Variants in UCK1 observed in about 807,000 individuals in gnomAD.
UCK1 encodes uridine-cytidine kinase 1, also known as cytidine monophosphokinase 1.
UCK1 carries 20 observed loss-of-function variants against 34.0 expected under a neutral mutation model. The observed-to-expected ratio is 0.59, with a 90% CI of 0.41 to 0.86. The LOEUF is 0.86. Among genes scored for constraint, UCK1 ranks in the 40% least tolerant of loss-of-function variants. UCK1 has a pLI of 0.00. For synonymous variants in UCK1, 168 were observed against 155.9 expected (o/e 1.08, Z -0.58); for missense variants, 343 against 383.6 (o/e 0.89, Z 0.88).
Position 131,526,053 on chromosome 9 carries a change from G to A in UCK1, c.604-76C>T. 5 of 1,571,836 alleles carry A rather than the reference G, an allele frequency of 3.2e-6. No homozygotes were observed. The Admixed American group carries it at 5.0e-5, about 16-fold the overall frequency. On this transcript the variant is annotated intron_variant, in intron 5 of 6. Transcript: ENST00000372215. ...GATTTTAAGATGCTCAGAAACAGAT[G>A]CAACAGCAGGAGGGGCGGCCCTGGG...
intron 5 of UCK1, chr9:131,526,314 G>C (rs764959866): frequency 7.9e-5 from 73 of 924,136 alleles, no homozygotes; most frequent in Middle Eastern, 7.2e-4. Flanking sequence ...GCCAAGCTAA[G>C]TGTGGCACTT....
At chr9:131,528,837 T>G in intron 5 of UCK1, 107 bp downstream of exon 5, 2 of 1,387,872 alleles carry the variant, frequency 1.4e-6, no homozygotes, top group Non-Finnish European at 2.0e-6. Context: ...CTTCTCCTTT[T>G]TTTCAATCAG....
In UCK1 at chr9:131,529,527, G is replaced by A. The variant is rs746768146; in HGVS notation, c.326C>T (p.Thr109Met). The A allele has an allele frequency of 9.3e-6, 15 of 1,613,956 alleles. No individual in the cohort carries two copies. Among genetic ancestry groups the A allele is most frequent in the East Asian group, 6.7e-5 (3 of 44,882 alleles). Residue 109 changes from threonine to methionine, a missense_variant, in exon 3 of 7, where the codon ACG becomes ATG. By Grantham distance (81) the Thr-to-Met change is moderately conservative. Coordinates refer to ENST00000372215, the MANE Select transcript of UCK1 (RefSeq NM_031432.5). ...RTLKNIVEGK[T>M]VEVPTYDFVT... ...AAAATCATAGGTCGGCACCTCCACC[G>A]TTTTGCCCTCCACGATGTTCTTCAG...
chr9:131,529,123 C>T lies in UCK1; in HGVS notation c.508+5G>A. Reference sequence around the variant, plus strand: ...GGCAGGCACGGAGGCCCGCGGCCGCCTTACCTCTTCGAGACAGCCTGACGT... The same window carrying T: ...GGCAGGCACGGAGGCCCGCGGCCGCTTTACCTCTTCGAGACAGCCTGACGT... On this transcript the variant is annotated splice_donor_5th_base_variant and intron_variant, in intron 4 of 6. Transcript: ENST00000372215. 6.2e-7 allele frequency: 1 copy of T among 1,613,566 alleles called. No homozygotes were observed. Among genetic ancestry groups the T allele is most frequent in the Non-Finnish European group, 8.5e-7 (1 of 1,179,834 alleles).
chr9:131,531,072 C>T lies in UCK1; in HGVS notation c.103G>A (p.Gly35Arg), dbSNP rs1462357841. 1.4e-6 allele frequency: 2 copies of T among 1,404,442 alleles called. No homozygotes were observed. Among genetic ancestry groups the T allele is most frequent in the Admixed American group, 3.2e-5 (1 of 30,940 alleles). 87.0% of individuals were successfully genotyped at this position (1,404,442 alleles called of 1,614,324 possible). The change falls in exon 1 of 7, where the codon GGG (glycine) becomes AGG (arginine). Residue 35 changes from glycine to arginine, a missense_variant. Transcript: ENST00000372215. ...CGGCCCGCTCGGCCCCTTACCTTCC[C>T]GCTGGCAGTGCCGCCGCTCACCCCT... ...LIGVSGGTASGKSTVCEKIME... is the reference protein window; with the variant it reads ...LIGVSGGTASRKSTVCEKIME...
rs146900973 is a variant in UCK1 at position 131,531,243 on chromosome 9, G to A, written c.-69C>T. On this transcript the variant is annotated 5_prime_UTR_variant, in exon 1 of 7. Transcript: ENST00000372215. ...TCCCCAGGCCCGGCGCGCCCGCCCA[G>A]CGCCGAGGTCGGAGGCAACCGGAGC... 9.2e-4 allele frequency: 1,180 copies of A among 1,289,164 alleles called. 10 individuals are homozygous for A. In the African/African-American group the frequency reaches 0.017, roughly 19 times the overall value. 79.9% of individuals were successfully genotyped at this position (1,289,164 alleles called of 1,614,324 possible).
chr9:131,524,585 C>T lies in UCK1; in HGVS notation c.*455G>A, dbSNP rs1950507275. The stretch of plus-strand genomic sequence containing the variant: ...ATGTAACATGTAAAAAAGGAAAGTA[C>T]TTGTTCACAAAACTTTTGAGTTATG... On this transcript the variant is annotated 3_prime_UTR_variant, in exon 7 of 7. Transcript: ENST00000372215. 1.3e-5 allele frequency: 2 copies of T among 156,402 alleles called. No homozygotes were observed. Among genetic ancestry groups the T allele is most frequent in the African/African-American group, 4.8e-5 (2 of 41,384 alleles). 9.7% of individuals were successfully genotyped at this position (156,402 alleles called of 1,614,324 possible).
Position 131,531,128 on chromosome 9 carries a change from G to C in UCK1, c.47C>G (p.Ala16Gly). Residue 16 changes from alanine (A) to glycine (G), a missense_variant, in exon 1 of 7, where the codon GCC becomes GGC. Ala to Gly is a moderately conservative substitution (Grantham distance 60). Coordinates refer to ENST00000372215, the MANE Select transcript of UCK1 (RefSeq NM_031432.5). Reference protein sequence around the residue: ...GEDCESPAPEADRPHQRPFLI... With the variant: ...GEDCESPAPEGDRPHQRPFLI... The stretch of plus-strand genomic sequence containing the variant: ...GAAGGGCCGCTGGTGCGGACGGTCG[G>C]CCTCCGGCGCGGGGCTCTCGCAGTC... 6.9e-7 allele frequency: 1 copy of C among 1,450,540 alleles called. No homozygotes were observed. Among genetic ancestry groups the C allele is most frequent in the Non-Finnish European group, 9.0e-7 (1 of 1,105,358 alleles). 89.9% of individuals were successfully genotyped at this position (1,450,540 alleles called of 1,614,324 possible).
At chr9:131,531,005 C>T in intron 1 of UCK1, 62 bp downstream of exon 1, 1 of 1,306,086 alleles carries the variant, frequency 7.7e-7, no homozygotes, top group African/African-American at 1.6e-5. Context: ...GGTCTCCTCT[C>T]TGGACCGGGC....
intron 5 of UCK1, among the ~76,000 whole-genome samples, chr9:131,528,186 AGCAGCAGAT>A (rs1277006176): frequency 6.8e-6 from 1 of 148,016 alleles, no homozygotes; most frequent in East Asian, 2.0e-4. Flanking sequence ...AAAAAAAAAA[AGCAGCAGAT>A]AGAACTTACT....
At chr9:131,528,029 CTGGGTGTGGTGG>C (rs1950673256) in intron 5 of UCK1, among the ~76,000 whole-genome samples, 1 of 152,194 alleles carries the variant, frequency 6.6e-6, no homozygotes, top group Non-Finnish European at 1.5e-5. Context: ...CAAAAATTAG[CTGGGTGTGGTGG>C]CGTACGCCTG....
Position 131,530,662 on chromosome 9 carries a change from G to A in UCK1, c.109-17C>T. ...CACGGTCGACTGGAGACACAGAAGC[G>A]GGATTCCCGCCTGGAACCGCTCGTC... On this transcript the variant is annotated splice_polypyrimidine_tract_variant and intron_variant, in intron 1 of 6. Transcript: ENST00000372215. 6.2e-7 allele frequency: 1 copy of A among 1,614,204 alleles called. No individual in the cohort carries two copies. Among genetic ancestry groups the A allele is most frequent in the Non-Finnish European group, 8.5e-7 (1 of 1,180,040 alleles).
At chr9:131,526,054 C>G in intron 5 of UCK1, 77 bp from the exon 6 acceptor site, 5 of 1,572,710 alleles carry the variant, frequency 3.2e-6, no homozygotes, top group Admixed American at 1.7e-5. Context: ...GAAACAGATG[C>G]AACAGCAGGA....
chr9:131,528,458 C>T (rs768526333), intron 5 of UCK1, among the ~76,000 whole-genome samples: 1 of 152,194 alleles, frequency 6.6e-6, no homozygotes, highest in Non-Finnish European at 1.5e-5. Flanking sequence ...TGGCCCAGAG[C>T]AGCCTGGGGT....
At chr9:131,526,055 A>C in intron 5 of UCK1, 78 bp from the exon 6 acceptor site, 1 of 1,572,166 alleles carries the variant, frequency 6.4e-7, no homozygotes, top group Non-Finnish European at 8.7e-7. Context: ...AAACAGATGC[A>C]ACAGCAGGAG....
chr9:131,531,037 G>A, intron 1 of UCK1, 30 bp downstream of exon 1: 3 of 1,336,062 alleles, frequency 2.2e-6, no homozygotes, highest in Non-Finnish European at 2.9e-6. Context: ...ACCGGCGAGA[G>A]GCGAGACCCC....
chr9:131,528,827 C>A, intron 5 of UCK1, 117 bp downstream of exon 5: 1 of 1,309,740 alleles, frequency 7.6e-7, no homozygotes, highest in East Asian at 2.5e-5. Flanking sequence ...GAGCCAAATT[C>A]TTCTCCTTTT....
rs1249714748 is a variant in UCK1 at position 131,525,306 on chromosome 9, T to A, written c.653-85A>T. ...CCTCCCCGCAGCACTCGGCCAGGAG[T>A]GAGCGCCCAACCTCTGCCCTGAGGC... is the stretch of plus-strand genomic sequence containing the variant. On this transcript the variant is annotated intron_variant, in intron 6 of 6. Coordinates refer to ENST00000372215, the MANE Select transcript of UCK1 (RefSeq NM_031432.5). The A allele has an allele frequency of 1.9e-6, 3 of 1,563,772 alleles. No individual in the cohort carries two copies. The Admixed American group carries it at 5.3e-5, about 27-fold the overall frequency.
At position 131,531,189 on chromosome 9, in the gene UCK1, C is replaced by A; in HGVS notation, c.-15G>T. On this transcript the variant is annotated 5_prime_UTR_variant, in exon 1 of 7. Transcript: ENST00000372215. The stretch of plus-strand genomic sequence containing the variant: ...GCCGAAGCCATCTCGGCCTCCGCTC[C>A]CGCGCATCGGGTCCCCGCGCCCGCC... 1 of 1,398,028 alleles carries A rather than the reference C, an allele frequency of 7.2e-7. No homozygotes were observed. The highest frequency in any genetic ancestry group is 9.3e-7 in the Non-Finnish European group (1 of 1,076,260). 86.6% of individuals were successfully genotyped at this position (1,398,028 alleles called of 1,614,324 possible).
Sources: allele counts gnomAD v4.1 joint callset (sites outside exome capture counted in the v4.1 genomes callset), GRCh38; gene constraint gnomAD v4.1.1; transcripts MANE v1.5; gene names NCBI Gene and HGNC (gene_info 2026-07-23, HGNC 2026-07-21).